The following GNAZ variants were observed in gnomAD, a reference collection of about 807,000 sequenced individuals.
GNAZ encodes the protein G protein subunit alpha z.
In GNAZ, 3 loss-of-function variants were observed where a neutral mutation model predicts 25.4. That is an observed-to-expected ratio of 0.12 (90% CI 0.05 to 0.30). The LOEUF is 0.30. Ranked by LOEUF, GNAZ falls within the 10% of genes least tolerant of loss-of-function variation. GNAZ has a pLI of 1.00. For synonymous variants in GNAZ, 211 were observed against 205.7 expected, an observed-to-expected ratio of 1.03 and a Z score of -0.22; for missense variants, 241 against 501.8, an observed-to-expected ratio of 0.48 and a Z score of 4.97.
chr22:23,077,809 C>G (rs1358625976), intron 1 of GNAZ, among the ~76,000 whole-genome samples: 1 of 152,182 alleles, frequency 6.6e-6, no homozygotes, highest in Non-Finnish European at 1.5e-5. Context: ...GAACTTGGCA[C>G]CTACAGCCTT....
chr22:23,091,976 G>A (rs1207495807), intron 1 of GNAZ, among the ~76,000 whole-genome samples: 2 of 152,072 alleles, frequency 1.3e-5, no homozygotes, highest in Non-Finnish European at 2.9e-5. Context: ...GGGCCTTACA[G>A]CATGTTCCTC....
chr22:23,106,174 AAT>A (rs2069468992), intron 2 of GNAZ, among the ~76,000 whole-genome samples: 1 of 152,216 alleles, frequency 6.6e-6, no homozygotes, highest in Non-Finnish European at 1.5e-5. Context: ...CACCCTTGGG[AAT>A]ACAGAGGCTC....
At chr22:23,072,972 G>A (rs2068416649) in intron 1 of GNAZ, among the ~76,000 whole-genome samples, 2 of 152,192 alleles carry the variant, frequency 1.3e-5, no homozygotes, top group East Asian at 1.9e-4. Context: ...CAGGGCCCCC[G>A]CAGAGAGGCC....
chr22:23,077,229 C>T (rs2068530900), intron 1 of GNAZ, among the ~76,000 whole-genome samples: 1 of 152,178 alleles, frequency 6.6e-6, no homozygotes, highest in African/African-American at 2.4e-5. Context: ...TCCTTAGTGA[C>T]ACTGATGCTA....
At chr22:23,105,155 G>A (rs1232920529) in intron 2 of GNAZ, among the ~76,000 whole-genome samples, 6 of 152,172 alleles carry the variant, frequency 3.9e-5, no homozygotes, top group African/African-American at 7.2e-5. Flanking sequence ...AGCCCAGGCC[G>A]GCCACGGCCA....
chr22:23,108,910 G>C (rs1218627991), intron 2 of GNAZ, among the ~76,000 whole-genome samples: 1 of 152,248 alleles, frequency 6.6e-6, no homozygotes, highest in African/African-American at 2.4e-5. Flanking sequence ...CGAGGCAGGA[G>C]ACATGCTGTG....
rs559552626 is a variant in GNAZ at position 23,099,133 on chromosome 22, G to A, written c.723+2715G>A. Among the ~76,000 whole-genome samples, 5 of 152,284 alleles carry A rather than the reference G, an allele frequency of 3.3e-5. No individual in the cohort carries two copies. In the South Asian group the frequency reaches 6.2e-4, roughly 19 times the overall value. ...GTGCCTCCCCACCCCCACGCCTGGC[G>A]AAGGAGCCACAGCCCCCCGGCCCAC... On this transcript the variant is annotated intron_variant, in intron 2 of 2. Coordinates refer to ENST00000615612, the MANE Select transcript of GNAZ (RefSeq NM_002073.4).
chr22:23,124,387 GTC>G lies in GNAZ; in HGVS notation c.*962_*963del, dbSNP rs545482558. On this transcript the variant is annotated 3_prime_UTR_variant, in exon 3 of 3. Transcript: ENST00000615612. ...GTAAAAGTTGTTATCTGGACGATCT[GTC>G]TCTCTGCTCCAAAGAAATTTTGGAG... The G allele has an allele frequency of 2.1e-6, 1 of 469,282 alleles. No individual in the cohort carries two copies. The highest frequency in any genetic ancestry group is 4.4e-6 in the Non-Finnish European group (1 of 225,858). 29.1% of individuals were successfully genotyped at this position (469,282 alleles called of 1,614,324 possible).
chr22:23,097,586 GT>G (rs1432587866), intron 2 of GNAZ, among the ~76,000 whole-genome samples: 2 of 152,266 alleles, frequency 1.3e-5, no homozygotes, highest in Non-Finnish European at 2.9e-5. Context: ...GCAGGCAGGT[GT>G]GTACGCAGGC....
chr22:23,090,533 C>A (rs947121175), intron 1 of GNAZ, among the ~76,000 whole-genome samples: 1 of 152,146 alleles, frequency 6.6e-6, no homozygotes. Context: ...GCTCCTGACT[C>A]GCCCTTAAGT....
chr22:23,104,586 T>C (rs765424123), intron 2 of GNAZ, among the ~76,000 whole-genome samples: 39 of 152,196 alleles, frequency 2.6e-4, no homozygotes, highest in Non-Finnish European at 4.3e-4. Context: ...ATTACTATTG[T>C]TTTAAGGGAT....
chr22:23,102,040 A>G (rs2069316422), intron 2 of GNAZ, among the ~76,000 whole-genome samples: 2 of 152,162 alleles, frequency 1.3e-5, no homozygotes, highest in South Asian at 2.1e-4. Flanking sequence ...GCACACACCT[A>G]TAGCTGGGCC....
At chr22:23,111,590 C>G (rs78302839) in intron 2 of GNAZ, among the ~76,000 whole-genome samples, 1 of 152,350 alleles carries the variant, frequency 6.6e-6, no homozygotes, top group African/African-American at 2.4e-5. Flanking sequence ...TTTAGTAGAA[C>G]CCAGTGACCA....
chr22:23,082,013 T>C (rs942005052), intron 1 of GNAZ, among the ~76,000 whole-genome samples: 4 of 149,148 alleles, frequency 2.7e-5, no homozygotes, highest in African/African-American at 9.9e-5. Flanking sequence ...TAGTCCTAGC[T>C]ACTTGGGAGG....
chr22:23,073,195 G>A (rs2068422232), intron 1 of GNAZ, among the ~76,000 whole-genome samples: 1 of 152,214 alleles, frequency 6.6e-6, no homozygotes, highest in African/African-American at 2.4e-5. Context: ...CACACTGGAG[G>A]AGGCAGGTCA....
chr22:23,105,657 G>T (rs974569386), intron 2 of GNAZ, among the ~76,000 whole-genome samples: 1 of 152,246 alleles, frequency 6.6e-6, no homozygotes, highest in Admixed American at 6.5e-5. Context: ...TCTTCGCATG[G>T]TGATGGCGTG....
intron 1 of GNAZ, among the ~76,000 whole-genome samples, chr22:23,081,529 G>A (rs374845859): frequency 2.0e-5 from 3 of 151,988 alleles, no homozygotes; most frequent in Admixed American, 6.5e-5. Context: ...TCAGGTTATA[G>A]GCCAATATGT....
At chr22:23,097,218 C>T (rs2069150519) in intron 2 of GNAZ, among the ~76,000 whole-genome samples, 1 of 152,162 alleles carries the variant, frequency 6.6e-6, no homozygotes, top group South Asian at 2.1e-4. Flanking sequence ...GTTGTGGGTA[C>T]CCTGGGGCTA....
chr22:23,087,482 C>A (rs1189437873), intron 1 of GNAZ, among the ~76,000 whole-genome samples: 1 of 152,106 alleles, frequency 6.6e-6, no homozygotes, highest in Non-Finnish European at 1.5e-5. Flanking sequence ...TTATAACCGC[C>A]CAAGGGGTTC....
Sources: gnomAD v4.1 joint callset for allele counts (sites outside exome capture counted in the v4.1 genomes callset) on GRCh38, gnomAD v4.1.1 for gene constraint, MANE v1.5 for transcripts, NCBI Gene and HGNC (gene_info 2026-07-23, HGNC 2026-07-21) for gene names.